RBFOX1: variants seen among roughly 807,000 people sequenced by gnomAD.
RBFOX1 encodes the protein RNA binding fox-1 homolog 1.
In RBFOX1, 8 loss-of-function variants were observed where a neutral mutation model predicts 57.7. The observed-to-expected ratio is 0.14, with a 90% confidence interval of 0.08 to 0.25. The LOEUF is 0.25. Among genes scored for constraint, RBFOX1 ranks in the 10% least tolerant of loss-of-function variants. The pLI is 1.00. For synonymous variants in RBFOX1, 326 were observed against 222.4 expected, an observed-to-expected ratio of 1.47 and a Z score of -4.15; for missense variants, 611 against 548.5, an observed-to-expected ratio of 1.11 and a Z score of -1.14.
At chr16:5,867,455 A>T (rs1202260066) in intron 4 of RBFOX1, 4 of 713,084 alleles carry the variant, frequency 5.6e-6, no homozygotes, top group Non-Finnish European at 7.8e-6. Flanking sequence ...GGTGGCTTGG[A>T]TGGTGTGTTT....
chr16:6,855,930 C>T (rs1225420573), intron 3 of RBFOX1, among the ~76,000 whole-genome samples: 1 of 150,022 alleles, frequency 6.7e-6, no homozygotes, highest in Non-Finnish European at 1.5e-5. Context: ...TTTACTCATG[C>T]ACATATTCAC....
At chr16:7,410,124 A>T (rs948132366) in intron 4 of RBFOX1, among the ~76,000 whole-genome samples, 8 of 152,192 alleles carry the variant, frequency 5.3e-5, no homozygotes, top group African/African-American at 1.9e-4. Flanking sequence ...TCATTTGACA[A>T]TTGTTAACCT....
intron 3 of RBFOX1, among the ~76,000 whole-genome samples, chr16:6,987,530 C>G (rs1415045738): frequency 3.3e-5 from 5 of 150,600 alleles, no homozygotes; most frequent in Non-Finnish European, 7.4e-5. Context: ...ACATTGCAAA[C>G]ATAATCATAT....
chr16:7,345,485 G>A (rs867939595), intron 4 of RBFOX1, among the ~76,000 whole-genome samples: 5 of 152,218 alleles, frequency 3.3e-5, no homozygotes, highest in African/African-American at 1.2e-4. Flanking sequence ...CACACCTGGT[G>A]TTTTGGCAGA....
At chr16:5,833,664 G>A (rs907392948) in intron 3 of RBFOX1, among the ~76,000 whole-genome samples, 6 of 152,092 alleles carry the variant, frequency 3.9e-5, no homozygotes, top group African/African-American at 4.8e-5. Flanking sequence ...TTTGTGATCC[G>A]TAAATCAAGA....
intron 4 of RBFOX1, among the ~76,000 whole-genome samples, chr16:7,148,622 G>C (rs1198292631): frequency 1.3e-5 from 2 of 152,164 alleles, no homozygotes; most frequent in Non-Finnish European, 2.9e-5. Flanking sequence ...CCTTTCCCTT[G>C]TACTTGTGAT....
At chr16:6,010,165 T>C (rs1182119021) in intron 4 of RBFOX1, among the ~76,000 whole-genome samples, 1 of 152,124 alleles carries the variant, frequency 6.6e-6, no homozygotes, top group Non-Finnish European at 1.5e-5. Flanking sequence ...CTAACATGCA[T>C]GCAGGCTGGA....
intron 4 of RBFOX1, among the ~76,000 whole-genome samples, chr16:5,912,406 G>T (rs1567139017): frequency 6.6e-6 from 1 of 152,190 alleles, no homozygotes; most frequent in Admixed American, 6.5e-5. Context: ...ACTAATCAGA[G>T]ATTAGGAGTC....
At chr16:6,183,025 G>A (rs573595382) in intron 1 of RBFOX1, among the ~76,000 whole-genome samples, 1 of 152,160 alleles carries the variant, frequency 6.6e-6, no homozygotes, top group Non-Finnish European at 1.5e-5. Context: ...AAATGTTTTT[G>A]AGTGTTTACT....
intron 1 of RBFOX1, among the ~76,000 whole-genome samples, chr16:6,099,537 G>A (rs996512926): frequency 6.6e-6 from 1 of 151,966 alleles, no homozygotes; most frequent in Non-Finnish European, 1.5e-5. Flanking sequence ...GGATGGGGAA[G>A]TGAGAGCAAT....
At chr16:6,884,924 C>G (rs981049634) in intron 3 of RBFOX1, among the ~76,000 whole-genome samples, 2 of 152,008 alleles carry the variant, frequency 1.3e-5, no homozygotes, top group Non-Finnish European at 2.9e-5. Flanking sequence ...CAAAAAAACC[C>G]TGCAAATATT....
At chr16:5,360,544 T>C (rs2065518087) in intron 1 of RBFOX1, among the ~76,000 whole-genome samples, 1 of 152,188 alleles carries the variant, frequency 6.6e-6, no homozygotes, top group Non-Finnish European at 1.5e-5. Context: ...CTGAGTCTAA[T>C]GCATTGAGTG....
chr16:6,092,903 T>G (rs564755549), intron 1 of RBFOX1: 3 of 152,200 alleles, frequency 2.0e-5, no homozygotes, highest in African/African-American at 4.8e-5. Context: ...AATTTAAAAA[T>G]AGTGTTTTTT....
At chr16:7,275,102 C>T (rs1308345771) in intron 4 of RBFOX1, among the ~76,000 whole-genome samples, 2 of 152,054 alleles carry the variant, frequency 1.3e-5, no homozygotes, top group Non-Finnish European at 2.9e-5. Context: ...CCTTCTTGTC[C>T]ATCTGTCTCT....
intron 3 of RBFOX1, among the ~76,000 whole-genome samples, chr16:6,698,627 T>C (rs1297286664): frequency 1.3e-5 from 2 of 152,170 alleles, no homozygotes; most frequent in Admixed American, 6.5e-5. Context: ...CCATCTGTTA[T>C]TCACCGAGGC....
chr16:7,360,032 C>CT (rs1046058090), intron 4 of RBFOX1, among the ~76,000 whole-genome samples: 1 of 151,964 alleles, frequency 6.6e-6, no homozygotes, highest in Non-Finnish European at 1.5e-5. Flanking sequence ...TGGAAAATCA[C>CT]TTTTTTTAAT....
intron 4 of RBFOX1, among the ~76,000 whole-genome samples, chr16:7,505,772 G>C (rs2073069921): frequency 6.6e-6 from 1 of 152,204 alleles, no homozygotes. Flanking sequence ...TACTGAGCCG[G>C]AGAAGTGAAA....
chr16:6,450,801 GTATATATATATATATACATA>G (rs2094585899), intron 2 of RBFOX1, among the ~76,000 whole-genome samples: 2 of 16,462 alleles, frequency 1.2e-4, no homozygotes, highest in African/African-American at 4.6e-4. Context: ...ATATATATAT[GTATATATATATATATACATA>G]TATATATATA....
At position 6,552,137 on chromosome 16, in the gene RBFOX1, G is replaced by A. The variant is rs571044426; in HGVS notation, c.-63-102466G>A. On this transcript the variant is annotated intron_variant, in intron 2 of 15. Transcript: ENST00000550418. ...TGGGACAATAATGTTCTTGTGTGTG[G>A]CTAAGCTATGCCCACATTTTTAAAA... Among the ~76,000 whole-genome samples the A allele has an allele frequency of 2.6e-5, 4 of 152,234 alleles. No homozygotes were observed. In the East Asian group the frequency reaches 5.8e-4, roughly 22 times the overall value.
Sources: gnomAD v4.1 joint callset for allele counts (sites outside exome capture counted in the v4.1 genomes callset) on GRCh38, gnomAD v4.1.1 for gene constraint, MANE v1.5 for transcripts, NCBI Gene and HGNC (gene_info 2026-07-23, HGNC 2026-07-21) for gene names.